Variants in ANKRD30BL observed in about 807,000 individuals in gnomAD.
ANKRD30BL encodes the protein putative ankyrin repeat domain-containing protein 30B-like.
ANKRD30BL carries 20 observed loss-of-function variants against 18.4 expected under a neutral mutation model. That is an observed-to-expected ratio of 1.09 (90% CI 0.77 to 1.58). ANKRD30BL has a LOEUF of 1.58. Among genes scored for constraint, ANKRD30BL ranks in the 40% most tolerant of loss-of-function variants. The pLI, the probability that ANKRD30BL is intolerant of heterozygous loss-of-function variation, is 0.00. For missense variants in ANKRD30BL, 224 were observed against 268.6 expected (o/e 0.83, Z 1.16); for synonymous variants, 72 against 100.9 (o/e 0.71, Z 1.72).
rs148023024 is a variant in ANKRD30BL, at chr2:132,193,405, G to A, written n.442-36259C>T. On this transcript the variant is annotated intron_variant and non_coding_transcript_variant, in intron 1 of 4. Transcript: ENST00000470729. ...CAGAGGGACATATCCTTATTCCAGG[G>A]CTGGGTTTGGCACTTCTGTTCACAG... 8.8e-4 allele frequency among the ~76,000 whole-genome samples: 134 copies of A among 152,242 alleles called. 1 individual carries two copies. In the South Asian group the frequency reaches 0.011, roughly 12 times the overall value.
chr2:132,167,147 G>T (rs1321746663), intron 1 of ANKRD30BL, among the ~76,000 whole-genome samples: 2 of 151,440 alleles, frequency 1.3e-5, no homozygotes, highest in Admixed American at 1.3e-4. Flanking sequence ...TACTTTGTAT[G>T]AACTTTATTC....
intron 1 of ANKRD30BL, among the ~76,000 whole-genome samples, chr2:132,169,108 T>C (rs1688234408): frequency 6.6e-6 from 1 of 152,158 alleles, no homozygotes; most frequent in African/African-American, 2.4e-5. Flanking sequence ...TGAAATTATA[T>C]CTTAAATTCC....
At chr2:132,253,206 G>T (rs770965494) in intron 1 of ANKRD30BL, 53 of 203,542 alleles carry the variant, frequency 2.6e-4, no homozygotes, top group Non-Finnish European at 4.5e-4. Flanking sequence ...AAGTGCATTC[G>T]AAGAGTCGAT....
At chr2:132,170,958 C>T (rs1274262154) in intron 1 of ANKRD30BL, among the ~76,000 whole-genome samples, 2 of 152,070 alleles carry the variant, frequency 1.3e-5, no homozygotes, top group Admixed American at 1.3e-4. Flanking sequence ...AGATCGAGAC[C>T]ATCCTGGCTA....
intron 1 of ANKRD30BL, among the ~76,000 whole-genome samples, chr2:132,187,640 T>A (rs1485244953): frequency 1.3e-5 from 2 of 152,124 alleles, no homozygotes; most frequent in African/African-American, 4.8e-5. Flanking sequence ...ATGTTATTTC[T>A]CCTTCCAGTT....
intron 1 of ANKRD30BL, among the ~76,000 whole-genome samples, chr2:132,181,452 ACT>A (rs1247914578): frequency 1.6e-5 from 2 of 128,574 alleles, no homozygotes; most frequent in Non-Finnish European, 3.3e-5. Context: ...ACAAAGGAAG[ACT>A]CTGTTTCAAA....
At chr2:132,150,220 C>T (rs193159223) in intron 5 of ANKRD30BL, among the ~76,000 whole-genome samples, 1,885 of 127,902 alleles carry the variant, frequency 0.015, 17 homozygotes, top group Non-Finnish European at 0.022. Context: ...CATGTCTCTA[C>T]AATAAAGAAA....
chr2:132,210,935 A>T (rs1290765528), intron 1 of ANKRD30BL, among the ~76,000 whole-genome samples: 1 of 109,090 alleles, frequency 9.2e-6, no homozygotes, highest in Admixed American at 8.6e-5. Context: ...TGATGTGTGC[A>T]TTCATCTCAC....
At chr2:132,164,404 C>T (rs1479918703), upstream of ANKRD30BL, among the ~76,000 whole-genome samples, 1 of 151,720 alleles carries the variant, frequency 6.6e-6, no homozygotes, top group Non-Finnish European at 1.5e-5. Context: ...GATTCTCCTG[C>T]CTCAGCCTCC....
intron 1 of ANKRD30BL, among the ~76,000 whole-genome samples, chr2:132,169,002 T>C (rs1410532334): frequency 1.3e-5 from 2 of 152,146 alleles, no homozygotes; most frequent in Admixed American, 1.3e-4. Context: ...TGTATTGTCA[T>C]TGGGATTATT....
intron 1 of ANKRD30BL, among the ~76,000 whole-genome samples, chr2:132,186,102 C>T (rs1399468738): frequency 6.6e-6 from 1 of 150,908 alleles, no homozygotes; most frequent in Non-Finnish European, 1.5e-5. Context: ...TGCACTCCAA[C>T]CTGGGTGACA....
chr2:132,161,545 A>G lies in ANKRD30BL; in HGVS notation c.161T>C (p.Leu54Pro). The change falls in exon 1 of 6, where the codon CTG (leucine) becomes CCG (proline). Residue 54 changes from leucine to proline, a missense_variant. By Grantham distance (98) the Leu-to-Pro change is moderately conservative. Coordinates refer to ENST00000409867, the MANE Select transcript of ANKRD30BL (RefSeq NM_001358416.1). ...KAASRGQAWK[L>P]ERMMKKTTMD... is the part of the protein sequence containing the mutation. The stretch of plus-strand genomic sequence containing the variant: ...TGTCGTCTTCTTCATCATCCTCTCC[A>G]GCTTCCAGGCTTGGCCCCGGGAGGC... 6.9e-7 allele frequency: 1 copy of G among 1,456,700 alleles called. No individual in the cohort carries two copies. The highest frequency in any genetic ancestry group is 1.2e-5 in the South Asian group (1 of 82,048). 90.2% of individuals were successfully genotyped at this position (1,456,700 alleles called of 1,614,324 possible). A position where few individuals can be genotyped will look rare whatever the true frequency, so the allele number is the denominator to read the frequency against.
chr2:132,222,587 G>A (rs1265944317), intron 1 of ANKRD30BL, among the ~76,000 whole-genome samples: 1 of 151,938 alleles, frequency 6.6e-6, no homozygotes, highest in Non-Finnish European at 1.5e-5. Context: ...AGTGTTAAAT[G>A]GATTAAGGGC....
At chr2:132,188,233 A>G (rs1329827754) in intron 1 of ANKRD30BL, among the ~76,000 whole-genome samples, 1 of 152,194 alleles carries the variant, frequency 6.6e-6, no homozygotes, top group Admixed American at 6.5e-5. Context: ...TTTGCACTCT[A>G]TACCATTGCC....
intron 1 of ANKRD30BL, among the ~76,000 whole-genome samples, chr2:132,222,832 TAAA>T (rs71001178): frequency 9.5e-5 from 5 of 52,806 alleles, no homozygotes; most frequent in Non-Finnish European, 1.5e-4. Context: ...GAATGATCAA[TAAA>T]AAAAAAAAAA....
intron 1 of ANKRD30BL, among the ~76,000 whole-genome samples, chr2:132,222,065 G>A (rs1013178077): frequency 1.6e-4 from 21 of 128,976 alleles, no homozygotes; most frequent in Admixed American, 6.3e-4. Flanking sequence ...TCGGCCAGCC[G>A]CCCCGTCCGG....
intron 1 of ANKRD30BL, among the ~76,000 whole-genome samples, chr2:132,179,179 A>G (rs1688415107): frequency 6.6e-6 from 1 of 152,120 alleles, no homozygotes; most frequent in Non-Finnish European, 1.5e-5. Flanking sequence ...AAACAGACCT[A>G]TTGTGCTGCC....
chr2:132,240,108 C>T (rs139245018), intron 1 of ANKRD30BL, among the ~76,000 whole-genome samples: 2 of 150,434 alleles, frequency 1.3e-5, no homozygotes, highest in African/African-American at 4.9e-5. Context: ...TACAAGTGGA[C>T]ATTTTGTGCG....
intron 1 of ANKRD30BL, among the ~76,000 whole-genome samples, chr2:132,204,408 T>C (rs1228248348): frequency 6.6e-6 from 1 of 151,764 alleles, no homozygotes; most frequent in Non-Finnish European, 1.5e-5. Context: ...ATAGCATATA[T>C]ATATAGTATA....
Sources: allele counts gnomAD v4.1 joint callset (sites outside exome capture counted in the v4.1 genomes callset), GRCh38; gene constraint gnomAD v4.1.1; transcripts MANE v1.5; gene names NCBI Gene and HGNC (gene_info 2026-07-23, HGNC 2026-07-21).